Variants in PCDHA6 observed in about 807,000 individuals in gnomAD.
The protein encoded by PCDHA6 is protocadherin alpha 6.
A neutral mutation model predicts 60.3 loss-of-function variants in PCDHA6; 55 were observed. The observed-to-expected ratio is 0.91, with a 90% CI of 0.73 to 1.14. The LOEUF is 1.14. PCDHA6 is among the 50% of genes most tolerant of loss of function. The pLI is 0.00. For missense variants in PCDHA6, 1,327 were observed against 1,256.5 expected (o/e 1.06, Z -0.85); for synonymous variants, 652 against 557.9 (o/e 1.17, Z -2.38).
At chr5:140,840,399 T>A (rs1321013469) in intron 1 of PCDHA6, among the ~76,000 whole-genome samples, 1 of 151,988 alleles carries the variant, frequency 6.6e-6, no homozygotes, top group African/African-American at 2.4e-5. Context: ...GATATGGAGT[T>A]AAGAATACTT....
intron 1 of PCDHA6, chr5:140,871,341 C>G (rs2053000377): frequency 6.2e-7 from 1 of 1,614,188 alleles, no homozygotes; most frequent in African/African-American, 1.3e-5. Context: ...CGGTGGGGAG[C>G]TGGTCATACT....
At chr5:141,009,271 A>G (rs1420991909) in intron 3 of PCDHA6, among the ~76,000 whole-genome samples, 15 of 152,156 alleles carry the variant, frequency 9.9e-5, no homozygotes, top group Admixed American at 6.5e-4. Context: ...CCTGGGCAAC[A>G]TAGTGAGATC....
Position 140,828,216 on chromosome 5 carries a change from G to T in PCDHA6, c.125G>T (p.Gly42Val). The T allele has an allele frequency of 3.1e-6, 5 of 1,614,022 alleles. No homozygotes were observed. The highest frequency in any genetic ancestry group is 4.2e-6 in the Non-Finnish European group (5 of 1,180,052). ...HYSVPEEAKH[G>V]TFVGRIAQDL... ...TCCGTACCCGAGGAGGCCAAACACG[G>T]CACCTTCGTGGGCCGGATCGCGCAG... is the stretch of plus-strand genomic sequence containing the variant. The change falls in exon 1 of 4, where the codon GGC becomes GTC. Residue 42 changes from glycine (G) to valine (V), a missense_variant. Transcript: ENST00000529310.
intron 1 of PCDHA6, among the ~76,000 whole-genome samples, chr5:140,951,086 T>A (rs2094547457): frequency 6.6e-6 from 1 of 152,066 alleles, no homozygotes; most frequent in Admixed American, 6.5e-5. Context: ...ATTTTCCTTT[T>A]TTTCTGATAA....
intron 1 of PCDHA6, among the ~76,000 whole-genome samples, chr5:140,960,614 G>A (rs1167351854): frequency 3.3e-5 from 5 of 152,130 alleles, no homozygotes; most frequent in African/African-American, 1.2e-4. Context: ...AATATCTAGT[G>A]TGTTTTTGAA....
chr5:140,928,939 T>C (rs367874769), intron 1 of PCDHA6: 1 of 1,614,130 alleles, frequency 6.2e-7, no homozygotes, highest in Non-Finnish European at 8.5e-7. Context: ...CCAGAACTTG[T>C]ATTTAGTAAT....
chr5:140,886,422 T>G (rs930235903), intron 1 of PCDHA6, among the ~76,000 whole-genome samples: 1 of 152,240 alleles, frequency 6.6e-6, no homozygotes, highest in Non-Finnish European at 1.5e-5. Flanking sequence ...TCCTATATTA[T>G]TTCTATTCAT....
intron 1 of PCDHA6, chr5:140,842,263 C>T: frequency 6.2e-7 from 1 of 1,611,084 alleles, no homozygotes; most frequent in Non-Finnish European, 8.5e-7. Context: ...AACAAGAAAA[C>T]TTATACAAAA....
intron 3 of PCDHA6, among the ~76,000 whole-genome samples, chr5:140,999,132 T>TC (rs2153955890): frequency 6.6e-6 from 1 of 152,278 alleles, no homozygotes; most frequent in African/African-American, 2.4e-5. Context: ...CTGGAAAATG[T>TC]CACAGCCGGA....
At chr5:140,971,615 G>C (rs2096488487) in intron 1 of PCDHA6, among the ~76,000 whole-genome samples, 1 of 152,030 alleles carries the variant, frequency 6.6e-6, no homozygotes, top group East Asian at 1.9e-4. Flanking sequence ...GGAGAGTCCT[G>C]GGGTACAATT....
intron 1 of PCDHA6, among the ~76,000 whole-genome samples, chr5:140,901,864 C>G (rs782513656): frequency 4.6e-4 from 70 of 152,126 alleles, no homozygotes; most frequent in Non-Finnish European, 5.7e-4. Flanking sequence ...TTTGTGTCCT[C>G]TTCAATTTCT....
intron 1 of PCDHA6, chr5:140,883,283 G>A (rs782514861): frequency 1.2e-6 from 2 of 1,614,034 alleles, no homozygotes; most frequent in Admixed American, 3.3e-5. Context: ...CCTTTTGGTG[G>A]AAGTACTAGA....
chr5:140,834,549 C>T (rs2150220771), intron 1 of PCDHA6: 1 of 1,614,074 alleles, frequency 6.2e-7, no homozygotes, highest in Non-Finnish European at 8.5e-7. Flanking sequence ...GGGGCTGGAG[C>T]TGGCGGAGCT....
chr5:140,909,437 C>T (rs2074495257), intron 1 of PCDHA6, among the ~76,000 whole-genome samples: 1 of 152,198 alleles, frequency 6.6e-6, no homozygotes, highest in African/African-American at 2.4e-5. Flanking sequence ...TGATAATCCA[C>T]TGTCATTCTC....
At chr5:140,909,470 C>T (rs566835545) in intron 1 of PCDHA6, among the ~76,000 whole-genome samples, 1 of 152,320 alleles carries the variant, frequency 6.6e-6, no homozygotes, top group African/African-American at 2.4e-5. Flanking sequence ...GTCTTCTTCA[C>T]AGGCTAAATA....
intron 1 of PCDHA6, chr5:140,852,261 A>G: frequency 2.0e-6 from 1 of 506,240 alleles, no homozygotes; most frequent in Non-Finnish European, 2.6e-6. Flanking sequence ...GGAATATGCT[A>G]CAATATTACA....
intron 1 of PCDHA6, chr5:140,966,281 G>C (rs1261464121): frequency 8.2e-5 from 30 of 366,710 alleles, no homozygotes; most frequent in Non-Finnish European, 1.3e-4. Flanking sequence ...TGGACAGTGG[G>C]GGTAGGGAGA....
At chr5:140,843,605 G>A (rs2150363310) in intron 1 of PCDHA6, 2 of 1,596,092 alleles carry the variant, frequency 1.3e-6, no homozygotes, top group East Asian at 2.2e-5. Flanking sequence ...GTGCTCTGGT[G>A]AGGGGCCACC....
chr5:140,872,873 A>G (rs1419569928), intron 1 of PCDHA6, among the ~76,000 whole-genome samples: 1 of 152,204 alleles, frequency 6.6e-6, no homozygotes, highest in African/African-American at 2.4e-5. Flanking sequence ...GACAATTATC[A>G]GTTTCATTCA....
Sources: allele counts gnomAD v4.1 joint callset (sites outside exome capture counted in the v4.1 genomes callset), GRCh38; gene constraint gnomAD v4.1.1; transcripts MANE v1.5; gene names NCBI Gene and HGNC (gene_info 2026-07-23, HGNC 2026-07-21).